The following EPS15 variants were observed in gnomAD, a reference collection of about 807,000 sequenced individuals.
The protein encoded by EPS15 is epidermal growth factor receptor substrate 15.
A neutral mutation model predicts 113.8 loss-of-function variants in EPS15; 72 were observed. The observed-to-expected ratio is 0.63, with a 90% CI of 0.52 to 0.77. The LOEUF (loss-of-function observed/expected upper bound fraction) is 0.77, where lower values mean the gene tolerates loss of function less well. EPS15 is among the 30% of genes least tolerant of loss of function. EPS15 has a pLI of 0.00. For synonymous variants in EPS15, 344 were observed against 363.4 expected (o/e 0.95, Z 0.61); for missense variants, 1,048 against 1,045.8 (o/e 1.00, Z -0.03).
intron 20 of EPS15, among the ~76,000 whole-genome samples, chr1:51,396,492 T>G (rs1274324400): frequency 6.6e-6 from 1 of 152,152 alleles, no homozygotes; most frequent in Non-Finnish European, 1.5e-5. Flanking sequence ...ACATTTCGGA[T>G]TTGGGGTGCT....
intron 1 of EPS15, among the ~76,000 whole-genome samples, chr1:51,496,023 T>C (rs1436154658): frequency 6.6e-6 from 1 of 152,218 alleles, no homozygotes; most frequent in African/African-American, 2.4e-5. Context: ...ATAGCACATT[T>C]TAAAATCATA....
Position 51,363,854 on chromosome 1 carries a change from C to T in EPS15, c.2359+12G>A. ...CATGCAGTTGACTGAAGAAAAGTAC[C>T]AACTCTCATACCAGGTGGTAGAGGG... On this transcript the variant is annotated intron_variant, in intron 23 of 24. Coordinates refer to ENST00000371733, the MANE Select transcript of EPS15 (RefSeq NM_001981.3). 6 of 1,602,746 alleles carry T rather than the reference C, an allele frequency of 3.7e-6. No homozygotes were observed. Among genetic ancestry groups the T allele is most frequent in the Non-Finnish European group, 5.1e-6 (6 of 1,175,070 alleles).
chr1:51,487,821 A>G (rs1644153182), intron 1 of EPS15, among the ~76,000 whole-genome samples: 1 of 152,178 alleles, frequency 6.6e-6, no homozygotes, highest in Admixed American at 6.5e-5. Context: ...GTGAGAATGG[A>G]AAAAGCCATC....
chr1:51,430,569 A>C (rs1432211080), intron 12 of EPS15, among the ~76,000 whole-genome samples: 1 of 146,666 alleles, frequency 6.8e-6, no homozygotes, highest in Non-Finnish European at 1.5e-5. Flanking sequence ...CTTCGTCTCA[A>C]AAAAAAAAAA....
intron 1 of EPS15, among the ~76,000 whole-genome samples, chr1:51,486,127 A>G (rs773315887): frequency 4.7e-4 from 71 of 151,902 alleles, no homozygotes; most frequent in Non-Finnish European, 9.3e-4. Context: ...TAGGTGAAAG[A>G]AAATTACAGG....
chr1:51,386,096 G>A (rs1364994284), intron 21 of EPS15, among the ~76,000 whole-genome samples: 3 of 152,112 alleles, frequency 2.0e-5, no homozygotes, highest in Non-Finnish European at 4.4e-5. Flanking sequence ...AATAAATAAT[G>A]TCTACCCACT....
chr1:51,449,904 C>T (rs1181409273), intron 8 of EPS15, among the ~76,000 whole-genome samples: 2 of 151,732 alleles, frequency 1.3e-5, no homozygotes, highest in Non-Finnish European at 2.9e-5. Context: ...GCAAAAAACT[C>T]CAAGTGCAGG....
At chr1:51,364,774 C>T (rs1646471126) in intron 22 of EPS15, among the ~76,000 whole-genome samples, 1 of 151,994 alleles carries the variant, frequency 6.6e-6, no homozygotes, top group Admixed American at 6.6e-5. Flanking sequence ...GCTGGGATTA[C>T]AGGCTTGAGT....
intron 8 of EPS15, among the ~76,000 whole-genome samples, chr1:51,459,589 T>C (rs1157063798): frequency 2.0e-5 from 3 of 152,132 alleles, no homozygotes; most frequent in Admixed American, 6.5e-5. Context: ...GCCATATCCA[T>C]GGAATATATG....
At chr1:51,416,423 T>C (rs1036194276) in intron 13 of EPS15, among the ~76,000 whole-genome samples, 39 of 152,190 alleles carry the variant, frequency 2.6e-4, no homozygotes, top group African/African-American at 8.2e-4. Flanking sequence ...TAGAGCAATA[T>C]AGTGCCAAGG....
At chr1:51,388,669 A>G (rs1353824924) in intron 21 of EPS15, among the ~76,000 whole-genome samples, 8 of 152,180 alleles carry the variant, frequency 5.3e-5, no homozygotes, top group Non-Finnish European at 1.0e-4. Flanking sequence ...ACAAACTACC[A>G]TCAGAGAATA....
At chr1:51,497,341 G>A (rs1470446575) in intron 1 of EPS15, among the ~76,000 whole-genome samples, 1 of 152,122 alleles carries the variant, frequency 6.6e-6, no homozygotes, top group East Asian at 1.9e-4. Flanking sequence ...TACTAAAATT[G>A]AGGGGAAAAT....
intron 12 of EPS15, among the ~76,000 whole-genome samples, chr1:51,426,837 C>CTCTCTCTCTCTATATATA (rs377211027): frequency 5.2e-4 from 74 of 143,640 alleles, no homozygotes; most frequent in African/African-American, 1.9e-3. Context: ...CTCTCTCTCT[C>CTCTCTCTCTCTATATATA]TATATATATA....
At chr1:51,381,644 C>T (rs1356354204) in intron 21 of EPS15, among the ~76,000 whole-genome samples, 1 of 151,830 alleles carries the variant, frequency 6.6e-6, no homozygotes, top group Non-Finnish European at 1.5e-5. Context: ...CAGAATAAAA[C>T]TAAAAATTAA....
At chr1:51,475,271 TG>T (rs1178575615) in intron 2 of EPS15, among the ~76,000 whole-genome samples, 2 of 152,220 alleles carry the variant, frequency 1.3e-5, no homozygotes, top group Non-Finnish European at 2.9e-5. Flanking sequence ...TCTTCCACAA[TG>T]GTTGAATTAG....
At chr1:51,507,664 A>C (rs1379280463) in intron 1 of EPS15, among the ~76,000 whole-genome samples, 1 of 150,388 alleles carries the variant, frequency 6.6e-6, no homozygotes, top group Non-Finnish European at 1.5e-5. Context: ...CCATCTCAGA[A>C]AAAAAAAAAG....
intron 2 of EPS15, among the ~76,000 whole-genome samples, chr1:51,476,911 TTC>T (rs1306712469): frequency 1.3e-5 from 2 of 152,358 alleles, no homozygotes; most frequent in South Asian, 4.1e-4. Flanking sequence ...TGGTCTAAAA[TTC>T]TCTTTTTTTG....
chr1:51,356,547 G>C lies in EPS15; in HGVS notation c.*153C>G, dbSNP rs1375194210. On this transcript the variant is annotated 3_prime_UTR_variant, in exon 25 of 25. Coordinates refer to ENST00000371733, the MANE Select transcript of EPS15 (RefSeq NM_001981.3). Reference sequence around the variant, plus strand: ...AAAAAAAAGACGAATCTGTAATGAAGAAAAAAAAAAAATCCTAAAATTTTG... The same window carrying C: ...AAAAAAAAGACGAATCTGTAATGAACAAAAAAAAAAAATCCTAAAATTTTG... 16 of 466,232 alleles carry C rather than the reference G, an allele frequency of 3.4e-5. No individual in the cohort carries two copies. The East Asian group carries it at 7.0e-4, about 20-fold the overall frequency. The allele number at this position is 466,232 out of a possible 1,614,324, so 28.9% of individuals were successfully genotyped here. A position where few individuals can be genotyped will look rare whatever the true frequency, so the allele number is the denominator to read the frequency against.
At chr1:51,443,281 A>G (rs966436115) in intron 11 of EPS15, among the ~76,000 whole-genome samples, 7 of 152,088 alleles carry the variant, frequency 4.6e-5, no homozygotes, top group African/African-American at 1.7e-4. Flanking sequence ...GCAATTGAAT[A>G]GGTTATAAAA....
Sources: allele counts gnomAD v4.1 joint callset (sites outside exome capture counted in the v4.1 genomes callset), GRCh38; gene constraint gnomAD v4.1.1; transcripts MANE v1.5; gene names NCBI Gene and HGNC (gene_info 2026-07-23, HGNC 2026-07-21).